Variants in MEF2A observed in about 807,000 individuals in gnomAD.
MEF2A encodes myocyte enhancer factor 2A, also known as myocyte-specific enhancer factor 2A.
In MEF2A, 28 loss-of-function variants were observed where a neutral mutation model predicts 55.8. The observed-to-expected ratio is 0.50, with a 90% CI of 0.37 to 0.69. The LOEUF is 0.69. Ranked by LOEUF, MEF2A falls within the 30% of genes least tolerant of loss-of-function variation. MEF2A has a pLI of 0.00. For synonymous variants in MEF2A, 239 were observed against 227.1 expected, an observed-to-expected ratio of 1.05 and a Z score of -0.47; for missense variants, 528 against 626.2, an observed-to-expected ratio of 0.84 and a Z score of 1.67.
chr15:99,607,114 A>G (rs1386553018), intron 2 of MEF2A, among the ~76,000 whole-genome samples: 1 of 152,206 alleles, frequency 6.6e-6, no homozygotes, highest in African/African-American at 2.4e-5. Context: ...AAAACAGGTA[A>G]AATAAGCTAT....
chr15:99,566,570 T>C (rs941374327), intron 1 of MEF2A: 3 of 152,176 alleles, frequency 2.0e-5, no homozygotes, highest in African/African-American at 7.3e-5. Flanking sequence ...CCTTGAAAGT[T>C]GAAGGAGTTC....
chr15:99,661,770 TCTATTC>T lies in MEF2A; in HGVS notation c.259-9549_259-9544del, dbSNP rs553583531. Among the ~76,000 whole-genome samples the T allele has an allele frequency of 8.8e-3, 1,337 of 152,168 alleles. 28 individuals are homozygous for T. Among genetic ancestry groups the T allele is most frequent in the African/African-American group, 0.031 (1,272 of 41,516 alleles). ...TCCACATGTTTTATGAACTAATACT[TCTATTC>T]CTAAGAATACATACCCAAGAGAAAT... On this transcript the variant is annotated intron_variant, in intron 4 of 11. Coordinates refer to ENST00000557942, the MANE Select transcript of MEF2A (RefSeq NM_001319206.4).
intron 3 of MEF2A, among the ~76,000 whole-genome samples, chr15:99,638,664 C>T (rs2044328317): frequency 6.6e-6 from 1 of 152,006 alleles, no homozygotes. Context: ...ATGGAAATGG[C>T]CCATCTTGTC....
At chr15:99,649,665 C>T (rs1414483381) in intron 4 of MEF2A, among the ~76,000 whole-genome samples, 3 of 152,036 alleles carry the variant, frequency 2.0e-5, no homozygotes, top group African/African-American at 7.2e-5. Flanking sequence ...TACAGGAATA[C>T]TAGGTATGTC....
rs1041374860 is a variant in MEF2A at position 99,711,853 on chromosome 15, T to C, written c.1137-537T>C. 5.9e-5 allele frequency among the ~76,000 whole-genome samples: 9 copies of C among 152,094 alleles called. 1 individual carries two copies. The highest frequency in any genetic ancestry group is 3.3e-4 in the Admixed American group (5 of 15,282). On this transcript the variant is annotated intron_variant, in intron 11 of 11. Coordinates refer to ENST00000557942, the MANE Select transcript of MEF2A (RefSeq NM_001319206.4). ...CTAAAAATAGTCCTGGAAAAGCAAG[T>C]GGAAAGGGCTCAGAGCCCAGGCCCG...
chr15:99,676,153 AAGT>A (rs1406638640), intron 7 of MEF2A, among the ~76,000 whole-genome samples: 2 of 152,238 alleles, frequency 1.3e-5, no homozygotes, highest in African/African-American at 4.8e-5. Flanking sequence ...TTTAATGACA[AAGT>A]AGGAATAAAT....
chr15:99,672,065 T>C (rs1054192203), intron 5 of MEF2A, among the ~76,000 whole-genome samples: 2 of 152,232 alleles, frequency 1.3e-5, no homozygotes, highest in African/African-American at 4.8e-5. Context: ...ATATGTGTTC[T>C]TAAATAGATC....
At chr15:99,606,479 C>T (rs1157483702) in intron 2 of MEF2A, among the ~76,000 whole-genome samples, 5 of 152,032 alleles carry the variant, frequency 3.3e-5, no homozygotes, top group Non-Finnish European at 7.4e-5. Flanking sequence ...ATCTGCAGTA[C>T]CTTTAACAGA....
chr15:99,654,962 T>C (rs1395621509), intron 4 of MEF2A, among the ~76,000 whole-genome samples: 1 of 152,158 alleles, frequency 6.6e-6, no homozygotes, highest in African/African-American at 2.4e-5. Context: ...ATCAGTTGTG[T>C]CCCAGAATCC....
At chr15:99,646,776 C>A (rs996065745) in intron 4 of MEF2A, among the ~76,000 whole-genome samples, 5 of 152,104 alleles carry the variant, frequency 3.3e-5, no homozygotes, top group African/African-American at 4.8e-5. Context: ...TTCCCCTATA[C>A]TTCTTTGCCT....
At chr15:99,620,861 TGG>T (rs1258137077) in intron 2 of MEF2A, 1 of 150,188 alleles carries the variant, frequency 6.7e-6, no homozygotes, top group Non-Finnish European at 1.5e-5. Context: ...TTTTTTTTTT[TGG>T]GACATTGAGT....
At chr15:99,579,604 C>T (rs967420324) in intron 1 of MEF2A, among the ~76,000 whole-genome samples, 26 of 152,156 alleles carry the variant, frequency 1.7e-4, no homozygotes, top group Non-Finnish European at 2.8e-4. Flanking sequence ...CCATGTTGGC[C>T]AGCCTGGTCT....
At position 99,713,078 on chromosome 15, in the gene MEF2A, T is replaced by C; in HGVS notation, c.*307T>C. On this transcript the variant is annotated 3_prime_UTR_variant, in exon 12 of 12. Coordinates refer to ENST00000557942, the MANE Select transcript of MEF2A (RefSeq NM_001319206.4). ...ACTTGTTTCGTAAAGATAACCAGTT[T>C]TTGCAGAGAAACGTGTACCCATATA... 1 of 472,410 alleles carries C rather than the reference T, an allele frequency of 2.1e-6. No individual in the cohort carries two copies. Among genetic ancestry groups the C allele is most frequent in the Non-Finnish European group, 3.7e-6 (1 of 269,080 alleles). 29.3% of individuals were successfully genotyped at this position (472,410 alleles called of 1,614,324 possible). A position where few individuals can be genotyped will look rare whatever the true frequency, so the allele number is the denominator to read the frequency against.
intron 4 of MEF2A, among the ~76,000 whole-genome samples, chr15:99,663,161 C>T (rs1012756671): frequency 4.0e-5 from 6 of 151,782 alleles, no homozygotes; most frequent in South Asian, 4.2e-4. Flanking sequence ...ATAGGCTCTT[C>T]GATCCAAAAT....
chr15:99,593,921 T>A (rs1567181414), intron 1 of MEF2A, among the ~76,000 whole-genome samples: 1 of 152,178 alleles, frequency 6.6e-6, no homozygotes, highest in East Asian at 1.9e-4. Context: ...TTGAGATAGG[T>A]AAAAAACAAA....
chr15:99,589,236 G>A (rs1034276568), intron 1 of MEF2A, among the ~76,000 whole-genome samples: 1 of 152,082 alleles, frequency 6.6e-6, no homozygotes, highest in Non-Finnish European at 1.5e-5. Flanking sequence ...TAGTTTATTC[G>A]ATACAGAATT....
chr15:99,668,240 C>G (rs959502075), intron 4 of MEF2A, among the ~76,000 whole-genome samples: 3 of 152,052 alleles, frequency 2.0e-5, no homozygotes, highest in Admixed American at 2.0e-4. Flanking sequence ...GTAATATTGC[C>G]AATTGGGACC....
chr15:99,633,209 A>G (rs746091492), intron 3 of MEF2A, 36 bp downstream of exon 3: 1 of 1,404,084 alleles, frequency 7.1e-7, no homozygotes, highest in Non-Finnish European at 9.6e-7. Context: ...ATTGATATGA[A>G]TATTCTTTTA....
At chr15:99,648,996 A>G (rs552065883) in intron 4 of MEF2A, among the ~76,000 whole-genome samples, 12 of 152,238 alleles carry the variant, frequency 7.9e-5, no homozygotes, top group African/African-American at 2.9e-4. Context: ...CTGTGTTTCA[A>G]TTTTATGTAT....
Sources: allele counts gnomAD v4.1 joint callset (sites outside exome capture counted in the v4.1 genomes callset), GRCh38; gene constraint gnomAD v4.1.1; transcripts MANE v1.5; gene names NCBI Gene and HGNC (gene_info 2026-07-23, HGNC 2026-07-21).